Variants in CABLES1 observed in about 807,000 individuals in gnomAD.
The protein encoded by CABLES1 is Cdk5 and Abl enzyme substrate 1.
In CABLES1, 36 loss-of-function variants were observed where a neutral mutation model predicts 57.8. The observed-to-expected ratio is 0.62, with a 90% CI of 0.48 to 0.82. The LOEUF is 0.82. Among genes scored for constraint, CABLES1 ranks in the 40% least tolerant of loss-of-function variants. The pLI is 0.00. For synonymous variants in CABLES1, 374 were observed against 363.0 expected (o/e 1.03, Z -0.35); for missense variants, 767 against 836.6 (o/e 0.92, Z 1.03).
chr18:23,158,026 A>G (rs2046977059), intron 1 of CABLES1, among the ~76,000 whole-genome samples: 1 of 152,012 alleles, frequency 6.6e-6, no homozygotes, highest in East Asian at 1.9e-4. Flanking sequence ...TTATGCCTGT[A>G]ATCCCGGCAC....
intron 1 of CABLES1, among the ~76,000 whole-genome samples, chr18:23,142,945 A>G (rs986143867): frequency 1.3e-5 from 2 of 152,158 alleles, no homozygotes; most frequent in Non-Finnish European, 2.9e-5. Flanking sequence ...ATACCTAGAA[A>G]CACCCTGAGA....
intron 1 of CABLES1, among the ~76,000 whole-genome samples, chr18:23,176,996 C>T (rs900914721): frequency 1.3e-5 from 2 of 152,148 alleles, no homozygotes; most frequent in Non-Finnish European, 2.9e-5. Context: ...TAGCTCCGTT[C>T]TCTCCTGACT....
chr18:23,139,542 G>A (rs1196656938), intron 1 of CABLES1, among the ~76,000 whole-genome samples: 1 of 152,158 alleles, frequency 6.6e-6, no homozygotes, highest in East Asian at 1.9e-4. Context: ...CAACACACAG[G>A]GAGGAAAATT....
At chr18:23,219,656 G>A (rs1277125112) in intron 4 of CABLES1, among the ~76,000 whole-genome samples, 1 of 152,122 alleles carries the variant, frequency 6.6e-6, no homozygotes, top group African/African-American at 2.4e-5. Context: ...CTGACATATG[G>A]GCCCATCACT....
At chr18:23,171,693 A>T (rs1185059801) in intron 1 of CABLES1, among the ~76,000 whole-genome samples, 1 of 152,084 alleles carries the variant, frequency 6.6e-6, no homozygotes, top group Non-Finnish European at 1.5e-5. Flanking sequence ...ACCCTCTGAT[A>T]ACCCTCGCAT....
rs538627160 is a variant in CABLES1, at chr18:23,259,491, C to G, written c.*2124C>G. On this transcript the variant is annotated 3_prime_UTR_variant, in exon 10 of 10. Coordinates refer to ENST00000256925, the MANE Select transcript of CABLES1 (RefSeq NM_001100619.3). ...GAGGTGAGCCCATGAAGTTAGTGGT[C>G]CATTACTTTTTAAAGATGCATTTTC... 6.6e-6 allele frequency: 1 copy of G among 152,170 alleles called. No homozygotes were observed. The highest frequency in any genetic ancestry group is 2.4e-5 in the African/African-American group (1 of 41,440). The allele number at this position is 152,170 out of a possible 1,614,324, so 9.4% of individuals were successfully genotyped here. A position where few individuals can be genotyped will look rare whatever the true frequency, so the allele number is the denominator to read the frequency against.
Position 23,161,807 on chromosome 18 carries a change from A to G in CABLES1, c.845+25200A>G, listed in dbSNP as rs138859306. ...TGTGGTGGTGGGCACCTGTAGTCCC[A>G]GCTACTCAGGAGGCTGCGGCAAGAG... On this transcript the variant is annotated intron_variant, in intron 1 of 9. Transcript: ENST00000256925. Among the ~76,000 whole-genome samples the G allele has an allele frequency of 1.7e-3, 250 of 149,734 alleles. 7 individuals are homozygous for G. In the East Asian group the frequency reaches 0.042, roughly 25 times the overall value.
intron 7 of CABLES1, among the ~76,000 whole-genome samples, chr18:23,246,951 C>A (rs1186667248): frequency 6.6e-6 from 1 of 152,222 alleles, no homozygotes; most frequent in African/African-American, 2.4e-5. Flanking sequence ...CCTCAGCCTC[C>A]TAAAGTGCTG....
At chr18:23,208,402 A>G (rs957077179) in intron 3 of CABLES1, among the ~76,000 whole-genome samples, 1 of 152,132 alleles carries the variant, frequency 6.6e-6, no homozygotes, top group Non-Finnish European at 1.5e-5. Context: ...TTCAGCTCTC[A>G]TTATGCCATT....
intron 8 of CABLES1, 138 bp downstream of exon 8, chr18:23,253,204 C>T (rs773119760): frequency 2.8e-5 from 17 of 611,548 alleles, no homozygotes; most frequent in East Asian, 9.0e-5. Flanking sequence ...AAAGGACAGC[C>T]GGGCATGGTG....
At chr18:23,237,911 C>T (rs987222416) in intron 7 of CABLES1, among the ~76,000 whole-genome samples, 1 of 152,214 alleles carries the variant, frequency 6.6e-6, no homozygotes, top group African/African-American at 2.4e-5. Context: ...TTGCGGCAAG[C>T]AGAGCCCCGC....
chr18:23,139,807 G>A (rs1181922568), intron 1 of CABLES1, among the ~76,000 whole-genome samples: 1 of 152,206 alleles, frequency 6.6e-6, no homozygotes, highest in Admixed American at 6.5e-5. Flanking sequence ...TGATGTCCAA[G>A]CTCTGCCACT....
At chr18:23,249,293 A>C (rs2047980451) in intron 7 of CABLES1, among the ~76,000 whole-genome samples, 1 of 152,128 alleles carries the variant, frequency 6.6e-6, no homozygotes, top group South Asian at 2.1e-4. Context: ...TCCCAGGAGG[A>C]GGTTGGATGT....
chr18:23,253,419 G>A (rs1213150497), intron 8 of CABLES1, among the ~76,000 whole-genome samples: 1 of 152,218 alleles, frequency 6.6e-6, no homozygotes, highest in Non-Finnish European at 1.5e-5. Flanking sequence ...GGAGGTGGAG[G>A]TTGCAGTGAG....
intron 7 of CABLES1, among the ~76,000 whole-genome samples, chr18:23,250,502 A>G (rs940528360): frequency 2.0e-5 from 3 of 152,196 alleles, no homozygotes; most frequent in Admixed American, 6.5e-5. Flanking sequence ...CAACCCAGAG[A>G]TTTAACCCAG....
In CABLES1 at chr18:23,136,039, G is replaced by C; in HGVS notation, c.277G>C (p.Ala93Pro). The stretch of plus-strand genomic sequence containing the variant: ...GTGGGGCGGTGGCGAGGAGGGCGGC[G>C]CGGCCAAGCCGGGCGCCGGCGGCGC... ...AEWGGGEEGGAAKPGAGGACG... is the reference protein window; with the variant it reads ...AEWGGGEEGGPAKPGAGGACG... The change falls in exon 1 of 10, where the codon GCG (alanine) becomes CCG (proline). Residue 93 changes from alanine to proline, a missense_variant. By Grantham distance (27) the Ala-to-Pro change is conservative. Coordinates refer to ENST00000256925, the MANE Select transcript of CABLES1 (RefSeq NM_001100619.3). 4 of 1,136,784 alleles carry C rather than the reference G, an allele frequency of 3.5e-6. No homozygotes were observed. The highest frequency in any genetic ancestry group is 4.5e-5 in the East Asian group (1 of 21,994). 70.4% of individuals were successfully genotyped at this position (1,136,784 alleles called of 1,614,324 possible).
At chr18:23,150,469 G>T (rs529966879) in intron 1 of CABLES1, among the ~76,000 whole-genome samples, 99 of 152,178 alleles carry the variant, frequency 6.5e-4, no homozygotes, top group Non-Finnish European at 1.2e-3. Context: ...GCCCACCTCG[G>T]CCTCCCAAAG....
At chr18:23,166,268 C>A (rs1469496843) in intron 1 of CABLES1, among the ~76,000 whole-genome samples, 2 of 150,922 alleles carry the variant, frequency 1.3e-5, no homozygotes, top group Non-Finnish European at 2.9e-5. Flanking sequence ...ATGGGGCAAT[C>A]TTGGCTTACT....
At chr18:23,175,024 A>C (rs1340798050) in intron 1 of CABLES1, among the ~76,000 whole-genome samples, 2 of 151,698 alleles carry the variant, frequency 1.3e-5, no homozygotes, top group Non-Finnish European at 2.9e-5. Flanking sequence ...CGTTAAATTG[A>C]ATTGGGCCTT....
Sources: allele counts gnomAD v4.1 joint callset (sites outside exome capture counted in the v4.1 genomes callset), GRCh38; gene constraint gnomAD v4.1.1; transcripts MANE v1.5; gene names NCBI Gene and HGNC (gene_info 2026-07-23, HGNC 2026-07-21).